The following ECHDC2 variants were observed in gnomAD, a reference collection of about 807,000 sequenced individuals.
ECHDC2 encodes the protein enoyl-CoA hydratase domain-containing protein 2, mitochondrial.
ECHDC2 carries 34 observed loss-of-function variants against 40.6 expected under a neutral mutation model. The observed-to-expected ratio is 0.84, with a 90% confidence interval of 0.64 to 1.11. The LOEUF is 1.11. Among genes scored for constraint, ECHDC2 ranks in the 50% most tolerant of loss-of-function variants. ECHDC2 has a pLI of 0.00. For synonymous variants in ECHDC2, 162 were observed against 166.6 expected, an observed-to-expected ratio of 0.97 and a Z score of 0.21; for missense variants, 392 against 400.7, an observed-to-expected ratio of 0.98 and a Z score of 0.19.
At chr1:52,921,438 G>C in intron 1 of ECHDC2, 115 bp downstream of exon 1, 1 of 1,444,652 alleles carries the variant, frequency 6.9e-7, no homozygotes, top group Non-Finnish European at 9.1e-7. Context: ...AGAACTGGGA[G>C]GGAGGGACTG....
At chr1:52,905,539 C>T in intron 5 of ECHDC2, 1 of 166,270 alleles carries the variant, frequency 6.0e-6, no homozygotes, top group South Asian at 1.7e-4. Context: ...CTGCTACAGT[C>T]GTCCGTTCCA....
At chr1:52,901,545 A>C (rs1031885498) in intron 7 of ECHDC2, 1 of 152,208 alleles carries the variant, frequency 6.6e-6, no homozygotes, top group Non-Finnish European at 1.5e-5. Context: ...ACCATTTGCT[A>C]CCCTATCAGA....
intron 7 of ECHDC2, 63 bp downstream of exon 7, chr1:52,904,583 C>G: frequency 7.0e-7 from 1 of 1,423,340 alleles, no homozygotes; most frequent in South Asian, 1.4e-5. Flanking sequence ...AGGGGACACC[C>G]TGCCCCACAC....
intron 1 of ECHDC2, among the ~76,000 whole-genome samples, chr1:52,918,434 G>A (rs1467853469): frequency 6.6e-6 from 1 of 151,822 alleles, no homozygotes; most frequent in African/African-American, 2.4e-5. Context: ...AGGTATTCCC[G>A]ATTGTTATCA....
At position 52,914,339 on chromosome 1, in the gene ECHDC2, C is replaced by T. The variant is rs928381381; in HGVS notation, c.122-2549G>A. On this transcript the variant is annotated intron_variant, in intron 1 of 9. Coordinates refer to ENST00000371522, the MANE Select transcript of ECHDC2 (RefSeq NM_001198961.2). This position sits in a 1 kb window ranked among gnomAD's most constrained non-coding sequence, Gnocchi z 4.0. ...GTGCATGCATGGGTGCATATGTGAG[C>T]GTGTGCATGAGTGCCTGTGTGTGTG... is the stretch of plus-strand genomic sequence containing the variant. Among the ~76,000 whole-genome samples, 2 of 152,002 alleles carry T rather than the reference C, an allele frequency of 1.3e-5. No individual in the cohort carries two copies. The highest frequency in any genetic ancestry group is 2.1e-4 in the South Asian group (1 of 4,822).
chr1:52,916,701 C>T (rs1454355656), intron 1 of ECHDC2, among the ~76,000 whole-genome samples: 1 of 152,200 alleles, frequency 6.6e-6, no homozygotes, highest in Non-Finnish European at 1.5e-5. Context: ...TGCACTACCA[C>T]ATGCCAGGTC....
intron 8 of ECHDC2, 178 bp from the exon 9 acceptor site, chr1:52,897,662 G>A: frequency 1.5e-6 from 1 of 649,040 alleles, no homozygotes; most frequent in Admixed American, 2.3e-5. Context: ...TGGGAGAAAC[G>A]AGACAGACTG....
intron 1 of ECHDC2, chr1:52,912,070 C>T (rs1049439802): frequency 7.3e-7 from 1 of 1,368,352 alleles, no homozygotes; most frequent in Non-Finnish European, 9.4e-7. Context: ...CACAGTAGCC[C>T]TTGCCTGCTT....
At chr1:52,917,922 T>C (rs1460116440) in intron 1 of ECHDC2, among the ~76,000 whole-genome samples, 1 of 152,252 alleles carries the variant, frequency 6.6e-6, no homozygotes, top group African/African-American at 2.4e-5. Flanking sequence ...TAGGTTTATA[T>C]ATTTACAATA....
chr1:52,906,344 C>A, intron 5 of ECHDC2, 175 bp downstream of exon 5: 1 of 697,112 alleles, frequency 1.4e-6, no homozygotes, highest in South Asian at 1.5e-5. Context: ...CTAATGGCTG[C>A]ACCAGGAGGG....
chr1:52,906,474 C>T, intron 5 of ECHDC2, 45 bp downstream of exon 5: 3 of 1,490,660 alleles, frequency 2.0e-6, no homozygotes, highest in Non-Finnish European at 2.8e-6. Flanking sequence ...TCACTCACCC[C>T]TGACTCCCTA....
chr1:52,905,787 A>C (rs1647644866), intron 5 of ECHDC2: 1 of 164,350 alleles, frequency 6.1e-6, no homozygotes, highest in African/African-American at 2.4e-5. Context: ...GCATGTGAGA[A>C]GGAGAGTTGG....
At chr1:52,907,840 C>T (rs1571954026) in intron 4 of ECHDC2, 28 bp downstream of exon 4, 1 of 1,593,850 alleles carries the variant, frequency 6.3e-7, no homozygotes, top group South Asian at 1.1e-5. Context: ...CCCAAACCCC[C>T]TCCTCCACCC....
intron 1 of ECHDC2, 94 bp downstream of exon 1, chr1:52,921,459 C>T (rs1439853805): frequency 2.7e-6 from 4 of 1,468,870 alleles, no homozygotes; most frequent in Non-Finnish European, 2.7e-6. Flanking sequence ...GGGATCGAAT[C>T]CTTCAACGCA....
chr1:52,905,014 G>A lies in ECHDC2; in HGVS notation c.514+20C>T. ...ACCCTGGATGGGGTGGAATTGGGCGGGTGCTGTAGTTGCGATTACCTGCCC... is the reference window on the plus strand; with the variant it reads ...ACCCTGGATGGGGTGGAATTGGGCGAGTGCTGTAGTTGCGATTACCTGCCC... On this transcript the variant is annotated intron_variant, in intron 6 of 9. Transcript: ENST00000371522. 2.5e-6 allele frequency: 4 copies of A among 1,614,162 alleles called. No individual in the cohort carries two copies. The highest frequency in any genetic ancestry group is 3.4e-6 in the Non-Finnish European group (4 of 1,180,000).
rs76269507 is a variant in ECHDC2, at chr1:52,911,957, C to A, written c.122-167G>T. 7.4e-3 allele frequency: 10,695 copies of A among 1,440,450 alleles called. 772 individuals are homozygous for A. The East Asian group carries it at 0.19, about 26-fold the overall frequency. The allele number at this position is 1,440,450 out of a possible 1,614,324, so 89.2% of individuals were successfully genotyped here. A position where few individuals can be genotyped will look rare whatever the true frequency, so the allele number is the denominator to read the frequency against. On this transcript the variant is annotated intron_variant, in intron 1 of 9. Coordinates refer to ENST00000371522, the MANE Select transcript of ECHDC2 (RefSeq NM_001198961.2). ...CTCAGGCAGGCCTCAATTTTCCCAACCATAAAATGGAGAGAAAAACCCTTG... is the reference window on the plus strand; with the variant it reads ...CTCAGGCAGGCCTCAATTTTCCCAAACATAAAATGGAGAGAAAAACCCTTG...
intron 1 of ECHDC2, chr1:52,915,063 C>T: frequency 2.7e-6 from 1 of 369,052 alleles, no homozygotes; most frequent in South Asian, 2.0e-5. Context: ...CCACTCTGGC[C>T]CCAATTCACC....
rs1008701429 is a variant in ECHDC2, at chr1:52,903,562, C to G, written c.702+1084G>C. On this transcript the variant is annotated intron_variant, in intron 7 of 9. Transcript: ENST00000371522. ...TTCATGGGTTCAAGCAATGCTTTTT[C>G]CCAAATAACTGGGATTACAGGCTCG... Among the ~76,000 whole-genome samples, 5 of 151,896 alleles carry G rather than the reference C, an allele frequency of 3.3e-5. No homozygotes were observed. In the East Asian group the frequency reaches 7.8e-4, roughly 24 times the overall value.
chr1:52,910,986 C>T lies in ECHDC2; in HGVS notation c.277+580G>A, dbSNP rs116117888. On this transcript the variant is annotated intron_variant, in intron 3 of 9. Transcript: ENST00000371522. ...AGTTCCAGCCCTTCTGTGAGAGATG[C>T]GGAAACTGAAGCTCCGAGAGGGGCA... is the stretch of plus-strand genomic sequence containing the variant. Among the ~76,000 whole-genome samples the T allele has an allele frequency of 5.1e-3, 779 of 152,238 alleles. 8 individuals are homozygous for T. The highest frequency in any genetic ancestry group is 0.018 in the African/African-American group (756 of 41,532).
Sources: allele counts gnomAD v4.1 joint callset (sites outside exome capture counted in the v4.1 genomes callset), GRCh38; gene constraint gnomAD v4.1.1; non-coding constraint Gnocchi (gnomAD v3.1); transcripts MANE v1.5; gene names NCBI Gene and HGNC (gene_info 2026-07-23, HGNC 2026-07-21).